RIMS1: variants seen among roughly 807,000 people sequenced by gnomAD.
RIMS1 encodes the protein regulating synaptic membrane exocytosis protein 1.
Under a neutral mutation model 214.1 loss-of-function variants are expected in RIMS1, and 83 were observed. The observed-to-expected ratio is 0.39, with a 90% CI of 0.32 to 0.47. The LOEUF (loss-of-function observed/expected upper bound fraction) is 0.47. RIMS1 is among the 20% of genes least tolerant of loss of function. The probability of loss-of-function intolerance (pLI) is 0.99; values close to 1 mark genes in which losing one functional copy is unlikely to be tolerated. For missense variants in RIMS1, 2,050 were observed against 2,161.8 expected, an observed-to-expected ratio of 0.95 and a Z score of 1.03; for synonymous variants, 793 against 786.8, an observed-to-expected ratio of 1.01 and a Z score of -0.13.
intron 4 of RIMS1, among the ~76,000 whole-genome samples, chr6:72,152,886 A>G (rs1329149702): frequency 1.6e-5 from 2 of 123,316 alleles, no homozygotes; most frequent in Admixed American, 8.9e-5. Context: ...GAATATATGT[A>G]TATATATGTA....
At chr6:71,946,999 A>G (rs1184951627) in intron 1 of RIMS1, among the ~76,000 whole-genome samples, 3 of 152,150 alleles carry the variant, frequency 2.0e-5, no homozygotes, top group African/African-American at 4.8e-5. Context: ...AACATTTCTC[A>G]AAAGAAGACA....
chr6:72,236,166 A>G (rs1211513240), intron 8 of RIMS1, among the ~76,000 whole-genome samples: 1 of 152,170 alleles, frequency 6.6e-6, no homozygotes, highest in Non-Finnish European at 1.5e-5. Context: ...AGAATTGTGG[A>G]TGAATCTCAA....
At chr6:72,030,351 C>CT (rs1701778725) in intron 2 of RIMS1, among the ~76,000 whole-genome samples, 1 of 151,956 alleles carries the variant, frequency 6.6e-6, no homozygotes, top group African/African-American at 2.4e-5. Context: ...AATAAAGAGA[C>CT]TTTATCTATA....
intron 1 of RIMS1, among the ~76,000 whole-genome samples, chr6:71,925,045 T>C (rs989639860): frequency 2.0e-5 from 3 of 152,186 alleles, no homozygotes; most frequent in African/African-American, 7.2e-5. Context: ...CTCAAGTGCA[T>C]ACATCAATGT....
chr6:72,291,446 A>C (rs2093375509), intron 25 of RIMS1, among the ~76,000 whole-genome samples: 1 of 152,218 alleles, frequency 6.6e-6, no homozygotes, highest in East Asian at 1.9e-4. Flanking sequence ...TCCTATTTAG[A>C]AATAAAGTAC....
At chr6:71,976,462 G>A (rs1351818611) in intron 2 of RIMS1, among the ~76,000 whole-genome samples, 2 of 152,098 alleles carry the variant, frequency 1.3e-5, no homozygotes, top group African/African-American at 4.8e-5. Flanking sequence ...TTATTTTTGA[G>A]TTATAAGTGT....
chr6:72,288,135 T>C (rs2092710866), intron 24 of RIMS1, among the ~76,000 whole-genome samples: 1 of 152,170 alleles, frequency 6.6e-6, no homozygotes, highest in Non-Finnish European at 1.5e-5. Flanking sequence ...AGAGCAAGCA[T>C]TGGAGCTGGA....
At chr6:72,356,211 A>G (rs2097636661) in intron 29 of RIMS1, among the ~76,000 whole-genome samples, 1 of 152,182 alleles carries the variant, frequency 6.6e-6, no homozygotes, top group South Asian at 2.1e-4. Flanking sequence ...TATGAACTAA[A>G]AACTACTTTA....
chr6:72,214,097 A>G (rs1006934057), intron 6 of RIMS1, among the ~76,000 whole-genome samples: 1 of 152,146 alleles, frequency 6.6e-6, no homozygotes, highest in African/African-American at 2.4e-5. Flanking sequence ...ATGAAAGCTC[A>G]TAGTATGTGG....
chr6:72,277,482 TCAGG>T (rs2087129993), intron 23 of RIMS1, among the ~76,000 whole-genome samples: 1 of 151,598 alleles, frequency 6.6e-6, no homozygotes, highest in African/African-American at 2.4e-5. Flanking sequence ...TTCGGGAGGC[TCAGG>T]CAGGAGAATG....
intron 1 of RIMS1, among the ~76,000 whole-genome samples, chr6:71,917,407 G>A (rs1778743835): frequency 6.6e-6 from 1 of 152,040 alleles, no homozygotes; most frequent in Non-Finnish European, 1.5e-5. Flanking sequence ...AACATCTAGT[G>A]GAGAAGAATT....
intron 31 of RIMS1, among the ~76,000 whole-genome samples, chr6:72,393,392 T>G (rs555103741): frequency 6.6e-6 from 1 of 152,260 alleles, no homozygotes; most frequent in East Asian, 1.9e-4. Context: ...TCATGCAAGC[T>G]TCCTAAGAGG....
intron 2 of RIMS1, among the ~76,000 whole-genome samples, chr6:72,094,392 G>A (rs1239570888): frequency 2.0e-5 from 3 of 152,092 alleles, no homozygotes; most frequent in African/African-American, 7.2e-5. Context: ...TGCCCTGCCT[G>A]TATATATTGC....
At chr6:72,149,381 G>A (rs2043198335) in intron 4 of RIMS1, among the ~76,000 whole-genome samples, 1 of 152,196 alleles carries the variant, frequency 6.6e-6, no homozygotes, top group Non-Finnish European at 1.5e-5. Context: ...GTTGCAGACT[G>A]GAGCCGGTCT....
chr6:72,245,986 A>G (rs2069399152), intron 11 of RIMS1, 125 bp downstream of exon 11: 11 of 618,396 alleles, frequency 1.8e-5, no homozygotes, highest in Non-Finnish European at 2.2e-5. Flanking sequence ...CTCCATTGGT[A>G]CTAGATGTTG....
intron 2 of RIMS1, among the ~76,000 whole-genome samples, chr6:71,984,238 A>G (rs948871929): frequency 2.6e-5 from 4 of 152,152 alleles, no homozygotes; most frequent in Non-Finnish European, 4.4e-5. Context: ...CTGAAATGCT[A>G]AATAATTCTT....
At chr6:72,224,546 A>G (rs1410819548) in intron 6 of RIMS1, among the ~76,000 whole-genome samples, 3 of 152,344 alleles carry the variant, frequency 2.0e-5, no homozygotes, top group Non-Finnish European at 2.9e-5. Flanking sequence ...CAGTTCCAAC[A>G]TGAAGATATT....
At chr6:72,113,557 AT>A (rs1272196743) in intron 4 of RIMS1, among the ~76,000 whole-genome samples, 1 of 152,134 alleles carries the variant, frequency 6.6e-6, no homozygotes, top group African/African-American at 2.4e-5. Context: ...TTATGTTGAC[AT>A]TTTACACGAT....
intron 4 of RIMS1, among the ~76,000 whole-genome samples, chr6:72,123,849 T>C (rs2153834257): frequency 6.6e-6 from 1 of 151,974 alleles, no homozygotes; most frequent in East Asian, 1.9e-4. Flanking sequence ...ATCCTTTTAT[T>C]TTGAGGCTAT....
Sources: gnomAD v4.1 joint callset for allele counts (sites outside exome capture counted in the v4.1 genomes callset) on GRCh38, gnomAD v4.1.1 for gene constraint, MANE v1.5 for transcripts, NCBI Gene and HGNC (gene_info 2026-07-23, HGNC 2026-07-21) for gene names.